The following DST variants were observed in gnomAD, a reference collection of about 807,000 sequenced individuals.
The protein encoded by DST is dystonin, also known as bullous pemphigoid antigen.
Under a neutral mutation model 875.2 loss-of-function variants are expected in DST, and 253 were observed. The observed-to-expected ratio is 0.29, with a 90% CI of 0.26 to 0.32. The LOEUF is 0.32. Among genes scored for constraint, DST ranks in the 10% least tolerant of loss-of-function variants. The pLI is 1.00. For synonymous variants in DST, 3,124 were observed against 3,197.1 expected (o/e 0.98, Z 0.77); for missense variants, 8,287 against 9,111.6 (o/e 0.91, Z 3.68).
At chr6:56,888,251 A>C (rs116314642) in intron 3 of DST, among the ~76,000 whole-genome samples, 1,985 of 152,098 alleles carry the variant, frequency 0.013, 17 homozygotes, top group Middle Eastern at 0.048. Context: ...CCTGGCCATA[A>C]ATGAAATCTT....
At position 56,788,128 on chromosome 6, in the gene DST, C is replaced by CAAAAAAA. The variant is rs781369739; in HGVS notation, c.626-52846_626-52840dup. ...TGAGTGACAGAGCAAGACTCCGTCT[C>CAAAAAAA]AAAAAAAAAAAAAAAAAAAAAAAAA... On this transcript the variant is annotated intron_variant, in intron 4 of 103. Transcript: ENST00000680361. Among the ~76,000 whole-genome samples, 114 of 26,602 alleles carry CAAAAAAA rather than the reference C, an allele frequency of 4.3e-3. 10 individuals carry two copies. The highest frequency in any genetic ancestry group is 0.022 in the African/African-American group (113 of 5,146). The allele number at this position is 26,602 out of a possible 152,430, so 17.5% of individuals were successfully genotyped here.
At chr6:56,791,456 T>A (rs996858286) in intron 4 of DST, among the ~76,000 whole-genome samples, 4 of 152,146 alleles carry the variant, frequency 2.6e-5, no homozygotes, top group African/African-American at 9.7e-5. Context: ...GTATCAAATT[T>A]GAATAGCGAA....
intron 4 of DST, among the ~76,000 whole-genome samples, chr6:56,767,209 A>T (rs2099635669): frequency 6.6e-6 from 1 of 152,236 alleles, no homozygotes; most frequent in African/African-American, 2.4e-5. Flanking sequence ...ACTAATATTT[A>T]TTGAAAACCT....
At chr6:56,682,079 G>A (rs1208715758) in intron 9 of DST, among the ~76,000 whole-genome samples, 1 of 152,192 alleles carries the variant, frequency 6.6e-6, no homozygotes, top group Non-Finnish European at 1.5e-5. Flanking sequence ...TAACGGGGAG[G>A]TCAACATGCC....
At chr6:56,682,607 T>C (rs1255462840) in intron 9 of DST, among the ~76,000 whole-genome samples, 5 of 152,170 alleles carry the variant, frequency 3.3e-5, no homozygotes, top group South Asian at 2.1e-4. Flanking sequence ...GTGCAGAGGA[T>C]TGCGGTTGAG....
At chr6:56,486,552 TA>T (rs1487133672) in intron 87 of DST, among the ~76,000 whole-genome samples, 2 of 152,152 alleles carry the variant, frequency 1.3e-5, no homozygotes, top group Non-Finnish European at 2.9e-5. Flanking sequence ...TGTACTCAAT[TA>T]AATACTTAAA....
rs1305679041 is a variant in DST at position 56,846,951 on chromosome 6, T to C, written c.625+4446A>G. Among the ~76,000 whole-genome samples the C allele has an allele frequency of 2.2e-4, 30 of 136,402 alleles. No individual in the cohort carries two copies. In the Admixed American group the frequency reaches 2.4e-3, roughly 11 times the overall value. The allele number at this position is 136,402 out of a possible 152,430, so 89.5% of individuals were successfully genotyped here. On this transcript the variant is annotated intron_variant, in intron 4 of 103. Coordinates refer to ENST00000680361, the MANE Select transcript of DST (RefSeq NM_001374736.1). The stretch of plus-strand genomic sequence containing the variant: ...CCGGGAGGTAGAGGTTGCAGTGAGC[T>C]GAGATCACACCACTGCAATCCAGCT...
Position 56,555,398 on chromosome 6 carries a change from C to G in DST, c.15083G>C (p.Ser5028Thr). ...TTTTAAGATGCCTTCTAGTTGCCTA[C>G]TAAGTTCTGCTTTCAAGTACTCTTC... ...VKEEYLKAEL[S>T]RQLEGILKSF... The change falls in exon 60 of 104, where the codon AGT becomes ACT. Residue 5028 changes from serine to threonine, a missense_variant. Coordinates refer to ENST00000680361, the MANE Select transcript of DST (RefSeq NM_001374736.1). The G allele has an allele frequency of 6.2e-7, 1 of 1,611,296 alleles. No homozygotes were observed. The highest frequency in any genetic ancestry group is 8.5e-7 in the Non-Finnish European group (1 of 1,178,264).
chr6:56,642,925 TTCAACA>T (rs1392200174), intron 15 of DST: 2 of 1,518,720 alleles, frequency 1.3e-6, no homozygotes, highest in African/African-American at 2.8e-5. Context: ...TTAAATATGC[TTCAACA>T]TGCATATGCA....
intron 2 of DST, among the ~76,000 whole-genome samples, chr6:56,929,858 G>A (rs1044380971): frequency 6.6e-6 from 1 of 152,148 alleles, no homozygotes; most frequent in African/African-American, 2.4e-5. Flanking sequence ...GAGAAGAAAA[G>A]AAGCATCAAG....
intron 58 of DST, among the ~76,000 whole-genome samples, chr6:56,560,003 A>G (rs1044371818): frequency 6.6e-6 from 1 of 152,164 alleles, no homozygotes; most frequent in Non-Finnish European, 1.5e-5. Flanking sequence ...AAGCTAGGAA[A>G]AAGAAACATT....
chr6:56,585,398 T>C (rs1418006687), intron 49 of DST, among the ~76,000 whole-genome samples: 6 of 152,214 alleles, frequency 3.9e-5, no homozygotes, highest in African/African-American at 1.4e-4. Context: ...GTTTGTAGTA[T>C]TCTCTGATGG....
chr6:56,568,569 T>G lies in DST; in HGVS notation c.13905A>C (p.Lys4635Asn), dbSNP rs775261733. 138 of 1,610,098 alleles carry G rather than the reference T, an allele frequency of 8.6e-5. No homozygotes were observed. The highest frequency in any genetic ancestry group is 1.1e-4 in the Non-Finnish European group (135 of 1,178,314). Residue 4635 changes from lysine to asparagine, a missense_variant, in exon 55 of 104, where the codon AAA becomes AAC. Physicochemically the swap from Lys to Asn is moderately conservative, Grantham distance 94 (BLOSUM62 0). Coordinates refer to ENST00000680361, the MANE Select transcript of DST (RefSeq NM_001374736.1). ...TGTTTACTTTCTGAATCTCTGGTGT[T>G]TTTAAACTCCACTTTTCTTGTAATT... is the stretch of plus-strand genomic sequence containing the variant. ...TKKLQEKWSL[K>N]TPEIQKVNNS...
chr6:56,495,321 T>C (rs1013347126), intron 82 of DST, among the ~76,000 whole-genome samples: 3 of 151,834 alleles, frequency 2.0e-5, no homozygotes, highest in Non-Finnish European at 2.9e-5. Context: ...AATCACAAAT[T>C]TAAACTTATT....
chr6:56,764,987 G>GGA (rs2099629381), intron 4 of DST, among the ~76,000 whole-genome samples: 1 of 96,600 alleles, frequency 1.0e-5, no homozygotes, highest in African/African-American at 5.4e-5. Context: ...GGGAGGGAGG[G>GGA]AGGGAGGGAG....
intron 5 of DST, among the ~76,000 whole-genome samples, chr6:56,726,825 A>C (rs919103573): frequency 3.9e-5 from 6 of 152,188 alleles, no homozygotes; most frequent in African/African-American, 1.4e-4. Context: ...CATTCATTAC[A>C]CATCAAATTC....
chr6:56,458,669 G>A lies in DST; in HGVS notation c.*336C>T, dbSNP rs1008749703. On this transcript the variant is annotated 3_prime_UTR_variant, in exon 104 of 104. Coordinates refer to ENST00000680361, the MANE Select transcript of DST (RefSeq NM_001374736.1). ...GAAAATGTCATGAGGTATCCCTAAC[G>A]TCAGGGATTGATGTAGTGCTGTGGC... The A allele has an allele frequency of 6.3e-5, 11 of 175,336 alleles. No individual in the cohort carries two copies. The highest frequency in any genetic ancestry group is 3.9e-4 in the South Asian group (2 of 5,112). The allele number at this position is 175,336 out of a possible 1,614,324, so 10.9% of individuals were successfully genotyped here.
chr6:56,889,267 T>A (rs987261151), intron 3 of DST, among the ~76,000 whole-genome samples: 2 of 152,226 alleles, frequency 1.3e-5, no homozygotes, highest in Non-Finnish European at 2.9e-5. Flanking sequence ...ATCTAATAGT[T>A]ATTTCAAACT....
At chr6:56,545,420 C>T (rs570930847) in intron 61 of DST, among the ~76,000 whole-genome samples, 2 of 151,342 alleles carry the variant, frequency 1.3e-5, no homozygotes, top group Admixed American at 1.3e-4. Context: ...CAAAATGTAG[C>T]TTTACTTACT....
Sources: allele counts gnomAD v4.1 joint callset (sites outside exome capture counted in the v4.1 genomes callset), GRCh38; gene constraint gnomAD v4.1.1; transcripts MANE v1.5; gene names NCBI Gene and HGNC (gene_info 2026-07-23, HGNC 2026-07-21).